The following NECAB2 variants were observed in gnomAD, a reference collection of about 807,000 sequenced individuals.
NECAB2 encodes N-terminal EF-hand calcium binding protein 2, also known as N-terminal EF-hand calcium-binding protein 2.
In NECAB2, 68 loss-of-function variants were observed where a neutral mutation model predicts 51.9. The observed-to-expected ratio is 1.31, with a 90% CI of 1.08 to 1.60. NECAB2 has a LOEUF of 1.60. Among genes scored for constraint, NECAB2 ranks in the 40% most tolerant of loss-of-function variants. NECAB2 has a pLI of 0.00. For missense variants in NECAB2, 854 were observed against 490.3 expected (o/e 1.74, Z -7.00); for synonymous variants, 329 against 203.5 (o/e 1.62, Z -5.25).
intron 3 of NECAB2, among the ~76,000 whole-genome samples, chr16:83,980,027 C>T (rs574680261): frequency 6.6e-6 from 1 of 152,314 alleles, no homozygotes; most frequent in African/African-American, 2.4e-5. Flanking sequence ...GCATGCAGAG[C>T]CCCCGAGTGC....
intron 8 of NECAB2, among the ~76,000 whole-genome samples, chr16:83,995,789 TC>T (rs1426981579): frequency 6.6e-6 from 1 of 152,130 alleles, no homozygotes; most frequent in Non-Finnish European, 1.5e-5. Context: ...GGGAGGAAGC[TC>T]AAACTTCCCC....
At chr16:83,979,595 C>T (rs2084458760) in intron 3 of NECAB2, among the ~76,000 whole-genome samples, 2 of 152,130 alleles carry the variant, frequency 1.3e-5, no homozygotes, top group African/African-American at 4.8e-5. Flanking sequence ...ACTGCAGCTT[C>T]CTGGGGTGCT....
At chr16:83,990,139 G>T (rs1288077208) in intron 5 of NECAB2, among the ~76,000 whole-genome samples, 1 of 152,192 alleles carries the variant, frequency 6.6e-6, no homozygotes, top group African/African-American at 2.4e-5. Context: ...ACCTACTGTT[G>T]ATTGAGTCTT....
chr16:84,002,392 TGTGAA>T lies in NECAB2; in HGVS notation c.*48_*52del, dbSNP rs1365334525. The T allele has an allele frequency of 7.6e-6, 12 of 1,588,994 alleles. No homozygotes were observed. In the African/African-American group the frequency reaches 1.9e-4, roughly 25 times the overall value. On this transcript the variant is annotated 3_prime_UTR_variant, in exon 13 of 13. Transcript: ENST00000305202. ...GAGGAGCCCACCAGCCCCTTCTTCT[TGTGAA>T]GGAAATCCCGTTTTTTTCTAGACAG...
chr16:83,967,474 G>C (rs1277072712), upstream of NECAB2, among the ~76,000 whole-genome samples: 10 of 78,818 alleles, frequency 1.3e-4, no homozygotes, highest in African/African-American at 4.5e-4. Context: ...GGATGGATGG[G>C]AGGGAGGGGG....
intron 8 of NECAB2, 81 bp from the exon 9 acceptor site, chr16:83,997,135 C>T (rs555314508): frequency 1.9e-6 from 3 of 1,574,750 alleles, no homozygotes; most frequent in East Asian, 4.5e-5. Flanking sequence ...TCCCAACAGC[C>T]CCAGGGATCC....
At position 83,997,197 on chromosome 16, in the gene NECAB2, G is replaced by C. The variant is rs757280343; in HGVS notation, c.796-19G>C. The C allele has an allele frequency of 2.5e-6, 4 of 1,613,942 alleles. No individual in the cohort carries two copies. The highest frequency in any genetic ancestry group is 1.7e-5 in the Admixed American group (1 of 60,000). ...GTGGGGCTCTGGGTCTAGCATCACT[G>C]TGTGCTGGATTGTTTCAGGCACTGT... is the stretch of plus-strand genomic sequence containing the variant. On this transcript the variant is annotated intron_variant, in intron 8 of 12. Coordinates refer to ENST00000305202, the MANE Select transcript of NECAB2 (RefSeq NM_019065.3).
chr16:83,973,227 C>G (rs966362562), intron 2 of NECAB2, among the ~76,000 whole-genome samples: 1 of 152,262 alleles, frequency 6.6e-6, no homozygotes, highest in Non-Finnish European at 1.5e-5. Context: ...GCCCCGGTTC[C>G]TCTCCTGCAC....
intron 10 of NECAB2, among the ~76,000 whole-genome samples, chr16:84,000,107 G>C (rs1238088412): frequency 6.6e-6 from 1 of 151,774 alleles, no homozygotes; most frequent in African/African-American, 2.4e-5. Context: ...GGCTAGGCTG[G>C]TCTTGAACTC....
chr16:84,000,978 T>TA (rs1555550047), intron 11 of NECAB2, among the ~76,000 whole-genome samples, 177 bp downstream of exon 11: 13 of 151,678 alleles, frequency 8.6e-5, no homozygotes, highest in Non-Finnish European at 1.9e-4. Flanking sequence ...CAGGAGCTCT[T>TA]GGTGGGTAGT....
intron 6 of NECAB2, among the ~76,000 whole-genome samples, chr16:83,991,137 C>A (rs1314042175): frequency 6.6e-6 from 1 of 151,940 alleles, no homozygotes; most frequent in Non-Finnish European, 1.5e-5. Context: ...TGTGTAACAC[C>A]ATGCCTGGCT....
At chr16:84,000,693 G>T in intron 10 of NECAB2, 31 bp from the exon 11 acceptor site, 1 of 1,610,572 alleles carries the variant, frequency 6.2e-7, no homozygotes, top group Non-Finnish European at 8.5e-7. Flanking sequence ...TTGAGCTCCA[G>T]CCTCCTCCCC....
intron 5 of NECAB2, among the ~76,000 whole-genome samples, chr16:83,985,059 T>C (rs1597209593): frequency 6.6e-6 from 1 of 152,166 alleles, no homozygotes; most frequent in African/African-American, 2.4e-5. Context: ...ACGCCTGTTA[T>C]CCCAGTACTT....
In NECAB2 at chr16:84,002,651, A is replaced by C. The variant is rs548139595; in HGVS notation, c.*305A>C. 1.1e-4 allele frequency: 57 copies of C among 506,148 alleles called. No homozygotes were observed. The South Asian group carries it at 1.2e-3, about 11-fold the overall frequency. The allele number at this position is 506,148 out of a possible 1,614,324, so 31.4% of individuals were successfully genotyped here. ...CCTCACATGGCCACGCATGACCCACACTGACCACACCCTGCCCTCTTCGGT... is the reference window on the plus strand; with the variant it reads ...CCTCACATGGCCACGCATGACCCACCCTGACCACACCCTGCCCTCTTCGGT... On this transcript the variant is annotated 3_prime_UTR_variant, in exon 13 of 13. Transcript: ENST00000305202.
At chr16:83,977,458 C>T (rs1254562957) in intron 2 of NECAB2, among the ~76,000 whole-genome samples, 1 of 152,144 alleles carries the variant, frequency 6.6e-6, no homozygotes, top group African/African-American at 2.4e-5. Flanking sequence ...CCAATCTGAT[C>T]CAAACCCACA....
intron 2 of NECAB2, 28 bp from the exon 3 acceptor site, chr16:83,978,416 G>A (rs780549237): frequency 1.3e-6 from 2 of 1,597,020 alleles, no homozygotes; most frequent in Non-Finnish European, 1.7e-6. Flanking sequence ...GCAGACACCA[G>A]CTCCTTTCTC....
At chr16:83,988,592 C>T (rs1040422747) in intron 5 of NECAB2, among the ~76,000 whole-genome samples, 2 of 152,160 alleles carry the variant, frequency 1.3e-5, no homozygotes, top group Admixed American at 1.3e-4. Context: ...TAGTTCTTGT[C>T]ATAACTTCCC....
At position 83,968,600 on chromosome 16, in the gene NECAB2, C is replaced by T. The variant is rs1009887827; in HGVS notation, c.-49C>T. Reference sequence around the variant, plus strand: ...GGGGTCGCGCGGGGGCGGGCCGCAGCTGGGCGGGGGTCGGCGGGCTTCCGG... The same window carrying T: ...GGGGTCGCGCGGGGGCGGGCCGCAGTTGGGCGGGGGTCGGCGGGCTTCCGG... On this transcript the variant is annotated 5_prime_UTR_variant, in exon 1 of 13. Transcript: ENST00000305202. 6.2e-6 allele frequency: 6 copies of T among 973,204 alleles called. No homozygotes were observed. The highest frequency in any genetic ancestry group is 7.3e-6 in the Non-Finnish European group (6 of 822,634). The allele number at this position is 973,204 out of a possible 1,614,324, so 60.3% of individuals were successfully genotyped here.
At chr16:83,981,241 G>A (rs34970260) in intron 5 of NECAB2, 114 bp downstream of exon 5, 1 of 924,554 alleles carries the variant, frequency 1.1e-6, no homozygotes, top group East Asian at 2.5e-5. Flanking sequence ...GCCTATCTCA[G>A]GGGTGGGCTT....
Sources: gnomAD v4.1 joint callset for allele counts (sites outside exome capture counted in the v4.1 genomes callset) on GRCh38, gnomAD v4.1.1 for gene constraint, MANE v1.5 for transcripts, NCBI Gene and HGNC (gene_info 2026-07-23, HGNC 2026-07-21) for gene names.